CSMD1: variants seen among roughly 807,000 people sequenced by gnomAD.
CSMD1 encodes the protein CUB and Sushi multiple domains 1.
In CSMD1, 213 loss-of-function variants were observed where a neutral mutation model predicts 417.5. The ratio of observed to expected loss-of-function variants is 0.51; its 90% CI spans 0.46 to 0.57. The LOEUF (loss-of-function observed/expected upper bound fraction) is 0.57. CSMD1 is among the 20% of genes least tolerant of loss of function. The pLI is 0.00. For missense variants in CSMD1, 6,923 were observed against 4,529.7 expected (o/e 1.53, Z -15.17); for synonymous variants, 2,862 against 1,736.8 (o/e 1.65, Z -16.11).
chr8:3,600,696 G>A (rs1403731115), intron 8 of CSMD1, among the ~76,000 whole-genome samples: 1 of 152,148 alleles, frequency 6.6e-6, no homozygotes, highest in Non-Finnish European at 1.5e-5. Flanking sequence ...AAAGTCTGCA[G>A]GGGCGGTAAT....
At chr8:4,548,484 A>T (rs1327739379) in intron 2 of CSMD1, among the ~76,000 whole-genome samples, 1 of 152,216 alleles carries the variant, frequency 6.6e-6, no homozygotes, top group Non-Finnish European at 1.5e-5. Flanking sequence ...ATAAAGCAAG[A>T]CATAAGCCCT....
At chr8:3,346,257 A>G (rs1268269594) in intron 22 of CSMD1, among the ~76,000 whole-genome samples, 4 of 152,240 alleles carry the variant, frequency 2.6e-5, no homozygotes, top group Non-Finnish European at 5.9e-5. Flanking sequence ...ATGCAATCAC[A>G]AATGAACATA....
intron 1 of CSMD1, among the ~76,000 whole-genome samples, chr8:4,804,742 G>A (rs915574342): frequency 6.6e-6 from 1 of 152,104 alleles, no homozygotes; most frequent in African/African-American, 2.4e-5. Flanking sequence ...ATGCCTGCAA[G>A]CCTTCAAGAA....
intron 20 of CSMD1, among the ~76,000 whole-genome samples, chr8:3,359,783 T>C (rs1378218809): frequency 6.6e-6 from 1 of 152,188 alleles, no homozygotes; most frequent in African/African-American, 2.4e-5. Flanking sequence ...AATAAATATT[T>C]GAGGTGATGG....
intron 2 of CSMD1, among the ~76,000 whole-genome samples, chr8:4,475,643 G>A (rs1387951708): frequency 6.6e-6 from 1 of 151,332 alleles, no homozygotes; most frequent in African/African-American, 2.4e-5. Context: ...TCGAGACGGA[G>A]TCGCCCTTTG....
At chr8:3,451,635 G>A (rs534250279) in intron 12 of CSMD1, among the ~76,000 whole-genome samples, 5 of 152,028 alleles carry the variant, frequency 3.3e-5, no homozygotes, top group African/African-American at 4.8e-5. Context: ...TAGATATATG[G>A]CATTATTTCT....
At chr8:2,967,715 A>C (rs183085855) in intron 57 of CSMD1, among the ~76,000 whole-genome samples, 1 of 152,214 alleles carries the variant, frequency 6.6e-6, no homozygotes, top group Non-Finnish European at 1.5e-5. Context: ...ATACTTTTGC[A>C]CATTTAATTG....
chr8:3,806,562 T>C (rs1035196386), intron 5 of CSMD1, among the ~76,000 whole-genome samples: 14 of 152,124 alleles, frequency 9.2e-5, no homozygotes, highest in African/African-American at 3.1e-4. Flanking sequence ...ACACTTATCA[T>C]AGAAATGTAA....
At chr8:3,759,309 G>A (rs1447363848) in intron 5 of CSMD1, among the ~76,000 whole-genome samples, 1 of 152,082 alleles carries the variant, frequency 6.6e-6, no homozygotes, top group Non-Finnish European at 1.5e-5. Context: ...ATGATCCTGA[G>A]GAAAAGGACA....
chr8:3,224,179 T>A (rs1463477702), intron 27 of CSMD1, among the ~76,000 whole-genome samples: 1 of 152,220 alleles, frequency 6.6e-6, no homozygotes, highest in Non-Finnish European at 1.5e-5. Context: ...GAAAGATGAC[T>A]TAATCCCCAT....
chr8:2,996,041 G>T (rs542447942), intron 54 of CSMD1, among the ~76,000 whole-genome samples: 1 of 152,266 alleles, frequency 6.6e-6, no homozygotes, highest in East Asian at 1.9e-4. Flanking sequence ...ACCACTGGGT[G>T]AGAGTGGGTA....
At chr8:3,465,723 T>C (rs1432847215) in intron 12 of CSMD1, among the ~76,000 whole-genome samples, 1 of 152,150 alleles carries the variant, frequency 6.6e-6, no homozygotes, top group Non-Finnish European at 1.5e-5. Context: ...CCTTTGGTAA[T>C]GAGTGAGGTT....
At chr8:3,055,365 A>G (rs953683584) in intron 49 of CSMD1, among the ~76,000 whole-genome samples, 2 of 152,152 alleles carry the variant, frequency 1.3e-5, no homozygotes, top group African/African-American at 2.4e-5. Context: ...TAGCCCCTTA[A>G]GCGTCTTAAC....
intron 5 of CSMD1, among the ~76,000 whole-genome samples, chr8:3,828,112 C>A (rs2129086099): frequency 1.3e-5 from 2 of 152,236 alleles, no homozygotes; most frequent in Non-Finnish European, 2.9e-5. Flanking sequence ...ATGTTAATAG[C>A]CCATATGGCA....
At chr8:4,128,961 A>T (rs1461226860) in intron 3 of CSMD1, among the ~76,000 whole-genome samples, 1 of 151,436 alleles carries the variant, frequency 6.6e-6, no homozygotes, top group Non-Finnish European at 1.5e-5. Context: ...CTGTAGTCCC[A>T]GCTACTTGGG....
chr8:3,771,732 T>C (rs1423387477), intron 5 of CSMD1, among the ~76,000 whole-genome samples: 1 of 152,098 alleles, frequency 6.6e-6, no homozygotes, highest in African/African-American at 2.4e-5. Flanking sequence ...CAAGATTCAA[T>C]GACATTGACT....
intron 3 of CSMD1, among the ~76,000 whole-genome samples, chr8:4,207,768 T>C (rs535506110): frequency 4.6e-5 from 7 of 152,222 alleles, no homozygotes; most frequent in African/African-American, 1.7e-4. Context: ...TCTACTAGGA[T>C]AGCAAACCAT....
chr8:3,435,418 A>G (rs567079506), intron 12 of CSMD1, among the ~76,000 whole-genome samples: 10 of 152,170 alleles, frequency 6.6e-5, no homozygotes, highest in African/African-American at 2.4e-4. Context: ...TGCCTGAAAC[A>G]TCACCTGTGG....
intron 10 of CSMD1, among the ~76,000 whole-genome samples, chr8:3,500,230 G>C (rs1796541802): frequency 6.6e-6 from 1 of 152,168 alleles, no homozygotes; most frequent in African/African-American, 2.4e-5. Context: ...CACTGCACTT[G>C]ACATGTGCTT....
Sources: gnomAD v4.1 joint callset for allele counts (sites outside exome capture counted in the v4.1 genomes callset) on GRCh38, gnomAD v4.1.1 for gene constraint, MANE v1.5 for transcripts, NCBI Gene and HGNC (gene_info 2026-07-23, HGNC 2026-07-21) for gene names.